Variants in SLC12A6 observed in about 807,000 individuals in gnomAD.
SLC12A6 encodes solute carrier family 12 member 6.
Under a neutral mutation model 135.3 loss-of-function variants are expected in SLC12A6, and 66 were observed. That is an observed-to-expected ratio of 0.49 (90% CI 0.40 to 0.60). The LOEUF is 0.60. SLC12A6 is among the 20% of genes least tolerant of loss of function. The pLI is 0.00. For missense variants in SLC12A6, 1,058 were observed against 1,452.3 expected, an observed-to-expected ratio of 0.73 and a Z score of 4.41; for synonymous variants, 513 against 508.8, an observed-to-expected ratio of 1.01 and a Z score of -0.11.
intron 3 of SLC12A6, among the ~76,000 whole-genome samples, chr15:34,271,904 C>A (rs1893980980): frequency 6.6e-6 from 1 of 152,174 alleles, no homozygotes; most frequent in African/African-American, 2.4e-5. Flanking sequence ...TTTTCACCTA[C>A]CAGGCCAAAT....
chr15:34,315,627 GCACACTTAA>G (rs1405346035), intron 2 of SLC12A6, among the ~76,000 whole-genome samples: 4 of 152,120 alleles, frequency 2.6e-5, no homozygotes, highest in Non-Finnish European at 1.5e-5. Flanking sequence ...TAATGCTATT[GCACACTTAA>G]CAGACTACAG....
At chr15:34,253,141 C>T (rs185489078) in intron 9 of SLC12A6, among the ~76,000 whole-genome samples, 2 of 152,170 alleles carry the variant, frequency 1.3e-5, no homozygotes, top group East Asian at 3.9e-4. Flanking sequence ...TCAGGTCCAA[C>T]AAAGGGACTT....
At position 34,243,951 on chromosome 15, in the gene SLC12A6, A is replaced by C. The variant is rs773892397; in HGVS notation, c.2042+23T>G. 2.2e-6 allele frequency: 3 copies of C among 1,357,350 alleles called. No homozygotes were observed. In the African/African-American group the frequency reaches 4.3e-5, roughly 19 times the overall value. The allele number at this position is 1,357,350 out of a possible 1,614,324, so 84.1% of individuals were successfully genotyped here. On this transcript the variant is annotated intron_variant, in intron 16 of 25. Coordinates refer to ENST00000354181, the MANE Select transcript of SLC12A6 (RefSeq NM_001365088.1). ...TGGGTTCTCTCCAAACGTGAGTAAA[A>C]AGAATAAAAGAAGCAGACTTACCAA... is the stretch of plus-strand genomic sequence containing the variant.
At chr15:34,280,724 T>C (rs937187147) in intron 2 of SLC12A6, among the ~76,000 whole-genome samples, 2 of 152,216 alleles carry the variant, frequency 1.3e-5, no homozygotes, top group African/African-American at 4.8e-5. Context: ...AAGAGACACC[T>C]GCACTGCATG....
At chr15:34,299,679 G>A (rs1347118190) in intron 2 of SLC12A6, 1 of 152,148 alleles carries the variant, frequency 6.6e-6, no homozygotes, top group Non-Finnish European at 1.5e-5. Context: ...CCAAGAGGAT[G>A]GAATAAATGT....
At chr15:34,248,571 CA>C (rs879502664) in intron 13 of SLC12A6, among the ~76,000 whole-genome samples, 604 of 12,294 alleles carry the variant, frequency 0.049, 1 homozygote, top group Non-Finnish European at 0.12. Flanking sequence ...CCCCCACCCA[CA>C]CACACACACA....
In SLC12A6 at chr15:34,298,939, G is replaced by C. The variant is rs187753411; in HGVS notation, c.272-23550C>G. 1.1e-3 allele frequency among the ~76,000 whole-genome samples: 173 copies of C among 152,192 alleles called. 1 individual carries two copies. The highest frequency in any genetic ancestry group is 0.011 in the Admixed American group (164 of 15,300). ...TCCATACTAATAATCCTAAAATTCT[G>C]CCTTTATCAGTTTGCATCATTGCTT... On this transcript the variant is annotated intron_variant, in intron 2 of 25. Transcript: ENST00000354181.
At position 34,250,979 on chromosome 15, in the gene SLC12A6, C is replaced by G. The variant is rs140916001; in HGVS notation, c.1412G>C (p.Ser471Thr). ...PSAKSSDVLG[S>T]LNHEYVLVDI... The stretch of plus-strand genomic sequence containing the variant: ...AACAAGAACATATTCATGGTTTAAG[C>G]TGCCTAAGACATCAGAAGATTTGGC... Residue 471 changes from serine (S) to threonine (T), a missense_variant, in exon 11 of 26, where the codon AGC becomes ACC. Physicochemically the swap from Ser to Thr is moderately conservative, Grantham distance 58. This residue lies in a region of SLC12A6 where 297 missense variants were observed against 318.5 expected (regional missense o/e 0.93). Transcript: ENST00000354181. 13,462 of 1,610,528 alleles carry G rather than the reference C, an allele frequency of 8.4e-3. 57 individuals are homozygous for G. The highest frequency in any genetic ancestry group is 0.01 in the Non-Finnish European group (12,082 of 1,176,760).
intron 3 of SLC12A6, among the ~76,000 whole-genome samples, chr15:34,273,153 C>G (rs1386127183): frequency 6.6e-6 from 1 of 152,116 alleles, no homozygotes; most frequent in African/African-American, 2.4e-5. Context: ...TAGTTCGAGA[C>G]CAGCCTGACC....
At chr15:34,291,216 G>C (rs1257245415) in intron 2 of SLC12A6, among the ~76,000 whole-genome samples, 3 of 152,106 alleles carry the variant, frequency 2.0e-5, no homozygotes, top group Non-Finnish European at 4.4e-5. Context: ...GTCTGTAAAG[G>C]ATTTTATTTC....
chr15:34,336,365 A>G (rs760311792), intron 2 of SLC12A6, 45 bp downstream of exon 2: 2 of 1,489,300 alleles, frequency 1.3e-6, no homozygotes, highest in Non-Finnish European at 1.9e-6. Flanking sequence ...TCTTGGATAA[A>G]GAACCCAGTA....
intron 3 of SLC12A6, among the ~76,000 whole-genome samples, chr15:34,261,306 CTT>C (rs565428661): frequency 6.7e-6 from 1 of 148,894 alleles, no homozygotes; most frequent in African/African-American, 2.5e-5. Context: ...CATGAAGACT[CTT>C]TTTTTTTTGA....
intron 2 of SLC12A6, among the ~76,000 whole-genome samples, chr15:34,310,429 G>C (rs1348278116): frequency 7.6e-6 from 1 of 131,936 alleles, no homozygotes; most frequent in Non-Finnish European, 1.6e-5. Context: ...GTGTGTGTGT[G>C]TGTGTGTGTC....
At chr15:34,281,947 AT>A (rs1224758282) in intron 2 of SLC12A6, among the ~76,000 whole-genome samples, 1 of 152,168 alleles carries the variant, frequency 6.6e-6, no homozygotes, top group Non-Finnish European at 1.5e-5. Flanking sequence ...TTTTAATGTA[AT>A]AAAAATATAG....
chr15:34,250,756 A>C, intron 11 of SLC12A6, 27 bp from the exon 12 acceptor site: 1 of 1,461,684 alleles, frequency 6.8e-7, no homozygotes, highest in Non-Finnish European at 9.6e-7. Context: ...GAAAAAACCA[A>C]GTTAACTTCT....
At chr15:34,322,871 G>A (rs751281721) in intron 2 of SLC12A6, among the ~76,000 whole-genome samples, 5 of 150,858 alleles carry the variant, frequency 3.3e-5, no homozygotes, top group Non-Finnish European at 7.4e-5. Flanking sequence ...CCAGCTACTC[G>A]GGAGGCTGAG....
chr15:34,312,820 G>A (rs347860), intron 2 of SLC12A6, among the ~76,000 whole-genome samples: 60,187 of 152,046 alleles, frequency 0.4, 14,929 homozygotes, highest in African/African-American at 0.72. Flanking sequence ...CATGTCTGTC[G>A]CATTTTGGTA....
At chr15:34,302,804 G>A (rs185374254) in intron 2 of SLC12A6, among the ~76,000 whole-genome samples, 208 of 151,840 alleles carry the variant, frequency 1.4e-3, no homozygotes, top group Middle Eastern at 3.4e-3. Context: ...TTAAAAATTA[G>A]CCTGGCGTAG....
intron 2 of SLC12A6, among the ~76,000 whole-genome samples, chr15:34,323,187 G>A (rs1286560173): frequency 6.6e-6 from 1 of 151,932 alleles, no homozygotes; most frequent in Non-Finnish European, 1.5e-5. Flanking sequence ...ATAATATGAA[G>A]ACAAATAAAA....
Sources: allele counts gnomAD v4.1 joint callset (sites outside exome capture counted in the v4.1 genomes callset), GRCh38; gene constraint gnomAD v4.1.1; regional missense constraint gnomAD v4.1.1; transcripts MANE v1.5; gene names NCBI Gene and HGNC (gene_info 2026-07-23, HGNC 2026-07-21).